STRA8: variants seen among roughly 807,000 people sequenced by gnomAD.
STRA8 encodes stimulated by retinoic acid 8.
In STRA8, 18 loss-of-function variants were observed where a neutral mutation model predicts 37.1. That is an observed-to-expected ratio of 0.48 (90% CI 0.34 to 0.72). The LOEUF (loss-of-function observed/expected upper bound fraction) is 0.72. Among genes scored for constraint, STRA8 ranks in the 30% least tolerant of loss-of-function variants. The pLI is 0.01. For synonymous variants in STRA8, 168 were observed against 162.9 expected, an observed-to-expected ratio of 1.03 and a Z score of -0.24; for missense variants, 357 against 410.4, an observed-to-expected ratio of 0.87 and a Z score of 1.13.
rs1832558304 is a variant in STRA8, at chr7:135,246,526, C to T, written c.703C>T (p.Gln235Ter). ...IVSAAISHLW[Q>*]NLSEERKASL... ...CTCCGCGGCCATCTCCCACCTGTGG[C>T]AGAACCTCTCGGAGGAGAGGAAGGC... The change falls in exon 6 of 9, where the codon CAG becomes TAG. Residue 235 changes from glutamine (Q) to a stop codon, truncating the protein, a stop_gained. Transcript: ENST00000662584. LOFTEE classifies it high-confidence loss of function. This position sits in a 1 kb window ranked among gnomAD's most constrained non-coding sequence, Gnocchi z 5.4. 1 of 1,575,654 alleles carries T rather than the reference C, an allele frequency of 6.3e-7. No individual in the cohort carries two copies. The highest frequency in any genetic ancestry group is 2.4e-5 in the East Asian group (1 of 42,420).
upstream of STRA8, chr7:135,232,009 T>C: frequency 6.2e-7 from 1 of 1,614,074 alleles, no homozygotes; most frequent in African/African-American, 1.3e-5. Flanking sequence ...CAAGATCCTC[T>C]TTTTCAATCA....
At chr7:135,233,819 G>A (rs1832326480), upstream of STRA8, among the ~76,000 whole-genome samples, 1 of 152,162 alleles carries the variant, frequency 6.6e-6, no homozygotes, top group Non-Finnish European at 1.5e-5. Flanking sequence ...TTCTGACCCA[G>A]ACAGGAACCG....
At chr7:135,233,129 C>T (rs534621922), upstream of STRA8, among the ~76,000 whole-genome samples, 14 of 152,180 alleles carry the variant, frequency 9.2e-5, no homozygotes, top group Non-Finnish European at 1.8e-4. Flanking sequence ...AACGAGAGTA[C>T]ATCTATATTT....
At chr7:135,255,741 A>G (rs1832695884) in intron 8 of STRA8, among the ~76,000 whole-genome samples, 1 of 152,148 alleles carries the variant, frequency 6.6e-6, no homozygotes, top group Non-Finnish European at 1.5e-5. Context: ...CTGTGGGAAA[A>G]TTGTCTTCCG....
At position 135,251,999 on chromosome 7, in the gene STRA8, A is replaced by AGG. The variant is rs796558998; in HGVS notation, c.953+132_953+133dup. 10 of 774,918 alleles carry AGG rather than the reference A, an allele frequency of 1.3e-5. 1 individual carries two copies. The highest frequency in any genetic ancestry group is 1.1e-4 in the South Asian group (7 of 65,804). 48.0% of individuals were successfully genotyped at this position (774,918 alleles called of 1,614,324 possible). ...AGTCAGAGACAGAGAGAGGAGACAGAGGGAGAGAGAGAGAGTGTGTGTGTG... is the reference window on the plus strand; with the variant it reads ...AGTCAGAGACAGAGAGAGGAGACAGAGGGGGAGAGAGAGAGAGTGTGTGTGTG... On this transcript the variant is annotated intron_variant, in intron 7 of 8. Transcript: ENST00000662584.
intron 6 of STRA8, among the ~76,000 whole-genome samples, chr7:135,248,065 A>G (rs916769021): frequency 2.6e-5 from 4 of 152,134 alleles, no homozygotes; most frequent in African/African-American, 7.2e-5. Context: ...ACGACATGCT[A>G]GTTTCCCAGA....
chr7:135,241,795 G>A (rs9655895), intron 2 of STRA8, among the ~76,000 whole-genome samples: 61,103 of 151,898 alleles, frequency 0.4, 12,709 homozygotes, highest in South Asian at 0.53. Flanking sequence ...TCAGCACCCT[G>A]AGAGAGGGGA....
intron 2 of STRA8, among the ~76,000 whole-genome samples, chr7:135,241,221 A>G (rs2117794127): frequency 6.6e-6 from 1 of 152,270 alleles, no homozygotes; most frequent in East Asian, 1.9e-4. Flanking sequence ...CCTGGTTCCA[A>G]GTCTTTGCTG....
In STRA8 at chr7:135,242,781, T is replaced by G. The variant is rs1832486510; in HGVS notation, c.193T>G (p.Trp65Gly). 1 of 1,614,086 alleles carries G rather than the reference T, an allele frequency of 6.2e-7. No individual in the cohort carries two copies. Among genetic ancestry groups the G allele is most frequent in the Non-Finnish European group, 8.5e-7 (1 of 1,179,946 alleles). ...CAGCATTGTCTCTGTCTATCCTCAG[T>G]GGCAGGTTCTGAATAAGGCAAAGAG... ...YSQSDLIASK[W>G]QVLNKAKSHI... The change falls in exon 3 of 9, where the codon TGG becomes GGG. Residue 65 changes from tryptophan (W) to glycine (G), a missense_variant and splice_region_variant. Coordinates refer to ENST00000662584, the MANE Select transcript of STRA8 (RefSeq NM_001394401.1).
intron 1 of STRA8, among the ~76,000 whole-genome samples, chr7:135,236,684 TAC>T (rs540156686): frequency 1.6e-3 from 247 of 152,334 alleles, no homozygotes; most frequent in African/African-American, 5.8e-3. Context: ...CTCAATGAGA[TAC>T]AGAGAGGTCT....
In STRA8 at chr7:135,240,556, A is replaced by G. The variant is rs536092049; in HGVS notation, c.32A>G (p.His11Arg). 3 of 1,613,574 alleles carry G rather than the reference A, an allele frequency of 1.9e-6. No individual in the cohort carries two copies. Among genetic ancestry groups the G allele is most frequent in the African/African-American group, 2.7e-5 (2 of 74,882 alleles). The change falls in exon 2 of 9, where the codon CAT becomes CGT. Residue 11 changes from histidine (H) to arginine (R), a missense_variant. Transcript: ENST00000662584. ...ACCCCTGAAGAAAACAGCAATCCCCATGACAGAGCAACACCCCAGCTGCCA... is the reference window on the plus strand; with the variant it reads ...ACCCCTGAAGAAAACAGCAATCCCCGTGACAGAGCAACACCCCAGCTGCCA... MATPEENSNP[H>R]DRATPQLPAQ...
At chr7:135,245,629 C>T (rs1832540396) in intron 5 of STRA8, among the ~76,000 whole-genome samples, 102 bp downstream of exon 5, 1 of 152,118 alleles carries the variant, frequency 6.6e-6, no homozygotes, top group Non-Finnish European at 1.5e-5. Context: ...CTGTGTGCCC[C>T]AGCTGGAGTG....
chr7:135,241,442 C>A (rs1441763466), intron 2 of STRA8, among the ~76,000 whole-genome samples: 2 of 152,208 alleles, frequency 1.3e-5, no homozygotes, highest in African/African-American at 4.8e-5. Flanking sequence ...TCCCAGGCTA[C>A]TCTGCCCCCA....
rs562078697 is a variant in STRA8 at position 135,243,231 on chromosome 7, T to A, written c.269-95T>A. 1.5e-5 allele frequency: 20 copies of A among 1,316,218 alleles called. No individual in the cohort carries two copies. In the African/African-American group the frequency reaches 2.6e-4, roughly 17 times the overall value. The allele number at this position is 1,316,218 out of a possible 1,614,324, so 81.5% of individuals were successfully genotyped here. ...AATGCTGACCCTGGAGGGTTCAGGGTCCCACCCACAGCCCACCTGGGCCAG... is the reference window on the plus strand; with the variant it reads ...AATGCTGACCCTGGAGGGTTCAGGGACCCACCCACAGCCCACCTGGGCCAG... On this transcript the variant is annotated intron_variant, in intron 3 of 8. Transcript: ENST00000662584.
At chr7:135,245,578 A>C (rs904624659) in intron 5 of STRA8, among the ~76,000 whole-genome samples, 51 bp downstream of exon 5, 1 of 152,132 alleles carries the variant, frequency 6.6e-6, no homozygotes, top group Non-Finnish European at 1.5e-5. Context: ...GCTCCCTCCC[A>C]TGGGGAAGGG....
chr7:135,243,115 T>A (rs1403139148), intron 3 of STRA8, among the ~76,000 whole-genome samples: 1 of 152,116 alleles, frequency 6.6e-6, no homozygotes, highest in Admixed American at 6.5e-5. Context: ...GCACCTGATC[T>A]CATCTTCAGA....
At chr7:135,234,759 C>T (rs1832345925) in intron 1 of STRA8, among the ~76,000 whole-genome samples, 1 of 152,200 alleles carries the variant, frequency 6.6e-6, no homozygotes. Context: ...TCACAAAATG[C>T]CCTTTTAGAA....
At chr7:135,232,714 G>A (rs2117776926), upstream of STRA8, among the ~76,000 whole-genome samples, 1 of 152,280 alleles carries the variant, frequency 6.6e-6, no homozygotes, top group Non-Finnish European at 1.5e-5. Context: ...TTATATGTGG[G>A]ACATCATCTC....
chr7:135,248,269 C>T (rs1442869752), intron 6 of STRA8, among the ~76,000 whole-genome samples: 1 of 152,234 alleles, frequency 6.6e-6, no homozygotes, highest in African/African-American at 2.4e-5. Context: ...CCAGAACTCC[C>T]AGCTCCTGCT....
Sources: gnomAD v4.1 joint callset for allele counts (sites outside exome capture counted in the v4.1 genomes callset) on GRCh38, gnomAD v4.1.1 for gene constraint, Gnocchi (gnomAD v3.1) non-coding constraint, MANE v1.5 for transcripts, NCBI Gene and HGNC (gene_info 2026-07-23, HGNC 2026-07-21) for gene names.